Variants in TAMM41 observed in about 807,000 individuals in gnomAD.
The protein encoded by TAMM41 is phosphatidate cytidylyltransferase, mitochondrial.
Under a neutral mutation model 44.1 loss-of-function variants are expected in TAMM41, and 36 were observed. That is an observed-to-expected ratio of 0.82 (90% CI 0.63 to 1.08). The LOEUF (loss-of-function observed/expected upper bound fraction) is 1.08. TAMM41 is among the 50% of genes least tolerant of loss of function. The pLI, the probability that TAMM41 is intolerant of heterozygous loss-of-function variation, is 0.00. For synonymous variants in TAMM41, 164 were observed against 153.1 expected (o/e 1.07, Z -0.53); for missense variants, 417 against 404.3 (o/e 1.03, Z -0.27).
At chr3:11,843,788 G>C in intron 2 of TAMM41, 1 of 488,952 alleles carries the variant, frequency 2.0e-6, no homozygotes, top group Non-Finnish European at 3.6e-6. Context: ...CAGTTAATGG[G>C]ACATGAGGAA....
At chr3:11,741,381 C>T in the TAMM41 span, among the ~76,000 whole-genome samples, 3 of 149,308 alleles carry the variant, frequency 2.0e-5, 1 homozygote, top group African/African-American at 7.7e-5. Flanking sequence ...CACTGAATCC[C>T]ATTCATGAAA....
chr3:11,844,919 G>A (rs1022160422), intron 1 of TAMM41: 3 of 456,572 alleles, frequency 6.6e-6, no homozygotes, highest in African/African-American at 6.0e-5. Context: ...CAGATCAGGG[G>A]CACAGGAGGG....
the TAMM41 span, among the ~76,000 whole-genome samples, chr3:11,727,532 T>G: frequency 1.3e-5 from 2 of 152,220 alleles, no homozygotes; most frequent in Non-Finnish European, 2.9e-5. Flanking sequence ...TGGTGCAATC[T>G]CTGCTCACTG....
the TAMM41 span, among the ~76,000 whole-genome samples, chr3:11,732,537 G>A: frequency 1.3e-5 from 2 of 152,236 alleles, no homozygotes; most frequent in South Asian, 4.1e-4. Context: ...TAACATAAAA[G>A]AGATCATTCG....
chr3:11,802,426 A>G (rs1011704464), intron 7 of TAMM41, among the ~76,000 whole-genome samples: 8 of 152,208 alleles, frequency 5.3e-5, no homozygotes, highest in Admixed American at 2.0e-4. Context: ...ATAAACAACT[A>G]GATGTCCACA....
In TAMM41 at chr3:11,844,867, T is replaced by C. The variant is rs1327934166; in HGVS notation, c.136-656A>G. 6.6e-6 allele frequency: 3 copies of C among 455,588 alleles called. No individual in the cohort carries two copies. In the Admixed American group the frequency reaches 7.1e-5, roughly 11 times the overall value. The allele number at this position is 455,588 out of a possible 1,614,324, so 28.2% of individuals were successfully genotyped here. On this transcript the variant is annotated intron_variant, in intron 1 of 7. Transcript: ENST00000455809. The stretch of plus-strand genomic sequence containing the variant: ...ACAAATTATCACTACATTGACTTGA[T>C]AGAGGAATGCAAAATGTACTAACTG...
the TAMM41 span, among the ~76,000 whole-genome samples, chr3:11,742,952 C>G: frequency 6.6e-6 from 1 of 152,122 alleles, no homozygotes; most frequent in South Asian, 2.1e-4. Context: ...CTTATAAATG[C>G]TGCCTACTAA....
At chr3:11,846,327 G>A (rs974545480) in intron 1 of TAMM41, among the ~76,000 whole-genome samples, 175 bp downstream of exon 1, 2 of 152,164 alleles carry the variant, frequency 1.3e-5, no homozygotes, top group South Asian at 2.1e-4. Flanking sequence ...CTTCAACACC[G>A]TCGCTTCAAC....
the TAMM41 span, among the ~76,000 whole-genome samples, chr3:11,754,884 G>C: frequency 6.6e-6 from 1 of 151,800 alleles, no homozygotes; most frequent in Admixed American, 6.6e-5. Flanking sequence ...ATTTTTAGTA[G>C]AGACAGGGTT....
At chr3:11,747,770 A>T in the TAMM41 span, among the ~76,000 whole-genome samples, 3 of 152,148 alleles carry the variant, frequency 2.0e-5, no homozygotes, top group African/African-American at 7.2e-5. Flanking sequence ...TGTCTCAAAA[A>T]AATTAAAAAA....
At chr3:11,787,511 C>T (rs2077424373), downstream of TAMM41, among the ~76,000 whole-genome samples, 1 of 152,108 alleles carries the variant, frequency 6.6e-6, no homozygotes, top group Admixed American at 6.5e-5. Context: ...CTAACAAATT[C>T]CCTATATTAA....
In TAMM41 at chr3:11,817,337, C is replaced by A. The variant is rs775104870; in HGVS notation, c.563G>T (p.Gly188Val). 1.2e-6 allele frequency: 2 copies of A among 1,606,832 alleles called. No individual in the cohort carries two copies. Among genetic ancestry groups the A allele is most frequent in the South Asian group, 2.2e-5 (2 of 90,672 alleles). The change falls in exon 5 of 8, where the codon GGT becomes GTT. Residue 188 changes from glycine to valine, a missense_variant and splice_region_variant. Coordinates refer to ENST00000455809, the MANE Select transcript of TAMM41 (RefSeq NM_001284401.2). ...FIEIAGLSYSGDFRMVVGEDK... is the reference protein window; with the variant it reads ...FIEIAGLSYSVDFRMVVGEDK... ...TTCTCCAACCACCATCCGAAAGTCA[C>A]CTAGTTAAAACAAAGAGATAAACAC... is the stretch of plus-strand genomic sequence containing the variant.
the TAMM41 span, among the ~76,000 whole-genome samples, chr3:11,747,930 A>C: frequency 6.9e-6 from 1 of 145,632 alleles, no homozygotes; most frequent in Admixed American, 7.1e-5. Context: ...GCTGGGGTGC[A>C]GTGGTTCAAT....
At position 11,817,339 on chromosome 3, in the gene TAMM41, T is replaced by C. The variant is rs903464311; in HGVS notation, c.563-2A>G. The C allele has an allele frequency of 1.9e-6, 3 of 1,605,932 alleles. No individual in the cohort carries two copies. The highest frequency in any genetic ancestry group is 2.6e-6 in the Non-Finnish European group (3 of 1,173,430). On this transcript the variant is annotated splice_acceptor_variant, in intron 4 of 7. Coordinates refer to ENST00000455809, the MANE Select transcript of TAMM41 (RefSeq NM_001284401.2). LOFTEE classifies it high-confidence loss of function. ...CTCCAACCACCATCCGAAAGTCACCTAGTTAAAACAAAGAGATAAACACAT... is the reference window on the plus strand; with the variant it reads ...CTCCAACCACCATCCGAAAGTCACCCAGTTAAAACAAAGAGATAAACACAT...
intron 2 of TAMM41, among the ~76,000 whole-genome samples, chr3:11,840,808 C>A (rs1301233849): frequency 6.6e-6 from 1 of 152,052 alleles, no homozygotes; most frequent in African/African-American, 2.4e-5. Flanking sequence ...AGCTCAGAGA[C>A]AACAAATGAC....
chr3:11,727,859 T>C, the TAMM41 span, among the ~76,000 whole-genome samples: 1 of 151,108 alleles, frequency 6.6e-6, no homozygotes, highest in South Asian at 2.1e-4. Context: ...CGATCTCGGC[T>C]CACAGCAACC....
intron 3 of TAMM41, among the ~76,000 whole-genome samples, chr3:11,837,480 T>TC (rs1422836573): frequency 1.3e-5 from 2 of 152,090 alleles, no homozygotes; most frequent in African/African-American, 4.8e-5. Context: ...ACTTTTTTTT[T>TC]TTCCTGTTTT....
the TAMM41 span, among the ~76,000 whole-genome samples, chr3:11,750,364 G>C: frequency 6.6e-6 from 1 of 151,948 alleles, no homozygotes; most frequent in African/African-American, 2.4e-5. Context: ...AAGTGCAATG[G>C]TGTGATCATG....
chr3:11,757,665 G>C, the TAMM41 span, among the ~76,000 whole-genome samples: 8,204 of 152,302 alleles, frequency 0.054, 638 homozygotes, highest in African/African-American at 0.17. Context: ...GCCGGCCACA[G>C]ACAGCAAAAT....
Sources: gnomAD v4.1 joint callset for allele counts (sites outside exome capture counted in the v4.1 genomes callset) on GRCh38, gnomAD v4.1.1 for gene constraint, MANE v1.5 for transcripts, NCBI Gene and HGNC (gene_info 2026-07-23, HGNC 2026-07-21) for gene names.